The following NFATC3 variants were observed in gnomAD, a reference collection of about 807,000 sequenced individuals.
The protein encoded by NFATC3 is nuclear factor of activated T-cells, cytoplasmic 3.
In NFATC3, 46 loss-of-function variants were observed where a neutral mutation model predicts 98.6. The ratio of observed to expected loss-of-function variants is 0.47; its 90% confidence interval spans 0.37 to 0.60. The LOEUF is 0.60. NFATC3 is among the 20% of genes least tolerant of loss of function. The pLI is 0.00. For missense variants in NFATC3, 1,256 were observed against 1,295.5 expected (o/e 0.97, Z 0.47); for synonymous variants, 512 against 472.2 (o/e 1.08, Z -1.09).
rs1466864562 is a variant in NFATC3 at position 68,228,023 on chromosome 16, A to G, written c.*1552A>G. The G allele has an allele frequency of 6.6e-6, 1 of 151,940 alleles. No homozygotes were observed. The highest frequency in any genetic ancestry group is 1.5e-5 in the Non-Finnish European group (1 of 68,002). The allele number at this position is 151,940 out of a possible 1,614,324, so 9.4% of individuals were successfully genotyped here. ...GAGACTGCAGGCCCTTGATGCCAGG[A>G]CTCTCTCTACTAAGGCCAGTTCAGG... On this transcript the variant is annotated 3_prime_UTR_variant, in exon 10 of 10. Transcript: ENST00000346183.
intron 6 of NFATC3, among the ~76,000 whole-genome samples, chr16:68,177,300 C>G (rs553936433): frequency 6.6e-6 from 1 of 152,246 alleles, no homozygotes; most frequent in Non-Finnish European, 1.5e-5. Context: ...ATCCGCCCGT[C>G]TTGGCCTCCC....
chr16:68,192,227 AAAAAT>A (rs1246196964), intron 9 of NFATC3: 2 of 76,290 alleles, frequency 2.6e-5, no homozygotes, highest in South Asian at 4.3e-4. Context: ...AAAAAAAAAA[AAAAAT>A]ATATATATAT....
At chr16:68,221,115 T>G in intron 9 of NFATC3, 1 of 1,460,212 alleles carries the variant, frequency 6.8e-7, no homozygotes, top group Admixed American at 1.9e-5. Context: ...AAAAATTAAA[T>G]TGCAAGCATT....
intron 1 of NFATC3, among the ~76,000 whole-genome samples, chr16:68,107,286 G>A (rs1430384622): frequency 6.6e-6 from 1 of 152,186 alleles, no homozygotes; most frequent in African/African-American, 2.4e-5. Flanking sequence ...TAGGTAAAAT[G>A]ATATTTTTGG....
chr16:68,143,577 G>A (rs969361876), intron 3 of NFATC3, among the ~76,000 whole-genome samples: 13 of 152,002 alleles, frequency 8.6e-5, no homozygotes, highest in East Asian at 3.9e-4. Flanking sequence ...GGTCAGGAGC[G>A]GTGGCTCACA....
At chr16:68,136,143 A>C (rs1172648077) in intron 3 of NFATC3, among the ~76,000 whole-genome samples, 1 of 152,222 alleles carries the variant, frequency 6.6e-6, no homozygotes, top group Non-Finnish European at 1.5e-5. Flanking sequence ...AAGTGCTTGA[A>C]GACAAAATGC....
intron 9 of NFATC3, among the ~76,000 whole-genome samples, chr16:68,192,650 G>A (rs1598556969): frequency 6.6e-6 from 1 of 151,290 alleles, no homozygotes; most frequent in Non-Finnish European, 1.5e-5. Context: ...CTTGAGCCCA[G>A]AACTTCAAGA....
chr16:68,215,886 G>A (rs1413735030), intron 9 of NFATC3, among the ~76,000 whole-genome samples: 1 of 151,692 alleles, frequency 6.6e-6, no homozygotes, highest in South Asian at 2.1e-4. Context: ...CTGCCACCAC[G>A]CCCGGCTAAT....
At chr16:68,129,802 C>T (rs766547424) in intron 3 of NFATC3, among the ~76,000 whole-genome samples, 2 of 151,720 alleles carry the variant, frequency 1.3e-5, no homozygotes, top group South Asian at 2.1e-4. Flanking sequence ...CTCAGCCTCC[C>T]GAGTAGCTGG....
intron 9 of NFATC3, among the ~76,000 whole-genome samples, chr16:68,193,930 T>A (rs1248244222): frequency 8.9e-6 from 1 of 112,802 alleles, no homozygotes; most frequent in Non-Finnish European, 1.8e-5. Context: ...GGGTCCGGGG[T>A]GGGGGATGGG....
At chr16:68,096,204 A>G (rs553387550) in intron 1 of NFATC3, among the ~76,000 whole-genome samples, 1 of 152,246 alleles carries the variant, frequency 6.6e-6, no homozygotes, top group South Asian at 2.1e-4. Context: ...GGGCCTGAGC[A>G]GTCCTCCCAC....
In NFATC3 at chr16:68,116,571, A is replaced by G. The variant is rs115222208; in HGVS notation, c.104-5416A>G. The stretch of plus-strand genomic sequence containing the variant: ...TAGTTAGATTGTAGTAGCTGCTTAT[A>G]TCATTTCCAGAGGTTGGACACTTGG... On this transcript the variant is annotated intron_variant, in intron 1 of 9. Transcript: ENST00000346183. Among the ~76,000 whole-genome samples the G allele has an allele frequency of 5.1e-3, 771 of 152,308 alleles. 8 individuals are homozygous for G. Among genetic ancestry groups the G allele is most frequent in the African/African-American group, 0.017 (703 of 41,578 alleles).
chr16:68,085,807 C>A, intron 1 of NFATC3, 23 bp downstream of exon 1: 1 of 1,409,428 alleles, frequency 7.1e-7, no homozygotes, highest in East Asian at 2.9e-5. Flanking sequence ...CCAGGCGGGA[C>A]CGTGGAGCGA....
At chr16:68,085,938 A>C in intron 1 of NFATC3, 154 bp downstream of exon 1, 10 of 529,820 alleles carry the variant, frequency 1.9e-5, no homozygotes, top group Non-Finnish European at 2.2e-5. Context: ...ACGGATTTAA[A>C]TCGCTGAGGA....
chr16:68,216,370 A>G lies in NFATC3; in HGVS notation c.3107-9980A>G, dbSNP rs539052492. 3.9e-5 allele frequency among the ~76,000 whole-genome samples: 6 copies of G among 152,306 alleles called. No homozygotes were observed. In the East Asian group the frequency reaches 9.6e-4, roughly 24 times the overall value. ...CACATTTCAGCTTTTGCTGATAGAA[A>G]AGAGTACATGCTGATACTTGAATAT... is the stretch of plus-strand genomic sequence containing the variant. On this transcript the variant is annotated intron_variant, in intron 9 of 9. Coordinates refer to ENST00000346183, the MANE Select transcript of NFATC3 (RefSeq NM_173165.3).
intron 1 of NFATC3, among the ~76,000 whole-genome samples, chr16:68,108,485 T>C (rs1351149447): frequency 6.6e-6 from 1 of 152,226 alleles, no homozygotes; most frequent in East Asian, 1.9e-4. Context: ...TGTAGCCTTG[T>C]AGTATAGTTT....
rs753615194 is a variant in NFATC3, at chr16:68,121,242, CT to C, written c.104-723del. The stretch of plus-strand genomic sequence containing the variant: ...AGGAATATCTCATTTCTTTTCTTTT[CT>C]TTTTTTTTTTTTTTTTTTTTTGAGA... On this transcript the variant is annotated intron_variant, in intron 1 of 9. Transcript: ENST00000346183. Among the ~76,000 whole-genome samples the C allele has an allele frequency of 4.9e-3, 500 of 102,356 alleles. 2 individuals are homozygous for C. The highest frequency in any genetic ancestry group is 0.016 in the African/African-American group (422 of 25,648). 67.1% of individuals were successfully genotyped at this position (102,356 alleles called of 152,430 possible).
chr16:68,126,374 G>C, intron 2 of NFATC3, 74 bp from the exon 3 acceptor site: 2 of 1,388,494 alleles, frequency 1.4e-6, no homozygotes, highest in East Asian at 2.3e-5. Context: ...GTTGGTGCTG[G>C]CAAAGAAGCC....
intron 8 of NFATC3, among the ~76,000 whole-genome samples, chr16:68,186,268 T>C (rs1472465733): frequency 3.3e-5 from 5 of 151,670 alleles, no homozygotes; most frequent in Admixed American, 2.6e-4. Context: ...TTCAAATTCT[T>C]GGCCAGGCGC....
Sources: gnomAD v4.1 joint callset for allele counts (sites outside exome capture counted in the v4.1 genomes callset) on GRCh38, gnomAD v4.1.1 for gene constraint, MANE v1.5 for transcripts, NCBI Gene and HGNC (gene_info 2026-07-23, HGNC 2026-07-21) for gene names.